Variants in TENM2 observed in about 807,000 individuals in gnomAD.
TENM2 encodes the protein teneurin transmembrane protein 2, also known as teneurin-2.
A neutral mutation model predicts 245.2 loss-of-function variants in TENM2; 52 were observed. The ratio of observed to expected loss-of-function variants is 0.21; its 90% CI spans 0.17 to 0.27. The LOEUF is 0.27. Ranked by LOEUF, TENM2 falls within the 10% of genes least tolerant of loss-of-function variation. TENM2 has a pLI of 1.00. For missense variants in TENM2, 3,046 were observed against 3,666.8 expected (o/e 0.83, Z 4.37); for synonymous variants, 1,363 against 1,438.9 (o/e 0.95, Z 1.19).
intron 4 of TENM2, among the ~76,000 whole-genome samples, chr5:167,975,971 C>A (rs1701390755): frequency 6.6e-6 from 1 of 152,134 alleles, no homozygotes; most frequent in South Asian, 2.1e-4. Flanking sequence ...CCTCTGCCAG[C>A]CCCTACATTT....
At chr5:167,168,142 A>C in the TENM2 span, 1 of 152,112 alleles carries the variant, frequency 6.6e-6, no homozygotes, top group Non-Finnish European at 1.5e-5. Flanking sequence ...TCTTACATCA[A>C]CTTCAAGTTA....
rs544490223 is a variant in TENM2 at position 167,937,418 on chromosome 5, A to C, written c.713-15170A>C. Reference sequence around the variant, plus strand: ...ACTTGGGATTATTAGGGTGTGTGGTAAGTGTAACATCACGGGAAACTGGCA... The same window carrying C: ...ACTTGGGATTATTAGGGTGTGTGGTCAGTGTAACATCACGGGAAACTGGCA... On this transcript the variant is annotated intron_variant, in intron 3 of 28. Transcript: ENST00000518659. Among the ~76,000 whole-genome samples, 8 of 152,292 alleles carry C rather than the reference A, an allele frequency of 5.3e-5. 1 individual carries two copies. The highest frequency in any genetic ancestry group is 1.7e-4 in the African/African-American group (7 of 41,566).
At chr5:168,168,747 G>C (rs575105635) in intron 13 of TENM2, among the ~76,000 whole-genome samples, 12 of 151,544 alleles carry the variant, frequency 7.9e-5, no homozygotes, top group Non-Finnish European at 1.8e-4. Flanking sequence ...AATGACTTCA[G>C]TATGATTTAG....
At position 167,960,044 on chromosome 5, in the gene TENM2, G is replaced by A. The variant is rs550729189; in HGVS notation, c.947+7222G>A. ...GCGGAGGCTGCAGACAGCAAAGACT[G>A]CTGCCTGTTCCTTCCTCTGGAAGCT... On this transcript the variant is annotated intron_variant, in intron 4 of 28. Transcript: ENST00000518659. Among the ~76,000 whole-genome samples the A allele has an allele frequency of 2.0e-5, 3 of 152,346 alleles. No individual in the cohort carries two copies. The East Asian group carries it at 5.8e-4, about 29-fold the overall frequency.
chr5:167,532,826 G>GTGTA (rs1554170577), intron 2 of TENM2, among the ~76,000 whole-genome samples: 1,983 of 144,532 alleles, frequency 0.014, 48 homozygotes, highest in South Asian at 0.072. Flanking sequence ...GTGTGTGTGT[G>GTGTA]TATATATATA....
intron 2 of TENM2, among the ~76,000 whole-genome samples, chr5:167,412,529 ACT>A (rs1234231983): frequency 6.6e-6 from 1 of 152,104 alleles, no homozygotes; most frequent in African/African-American, 2.4e-5. Flanking sequence ...TTTGTGTGCA[ACT>A]TTTTTTGCCG....
chr5:167,637,123 A>G (rs1779252802), intron 2 of TENM2, among the ~76,000 whole-genome samples: 1 of 152,236 alleles, frequency 6.6e-6, no homozygotes, highest in Non-Finnish European at 1.5e-5. Flanking sequence ...AAATGAACTG[A>G]TAATATGCAA....
At chr5:168,169,409 T>C (rs931762693) in intron 13 of TENM2, among the ~76,000 whole-genome samples, 2 of 152,204 alleles carry the variant, frequency 1.3e-5, no homozygotes, top group Non-Finnish European at 1.5e-5. Flanking sequence ...TTAAGAGACG[T>C]GGATCCTGGC....
chr5:167,733,493 A>G (rs1163559590), intron 2 of TENM2, among the ~76,000 whole-genome samples: 1 of 152,134 alleles, frequency 6.6e-6, no homozygotes, highest in Non-Finnish European at 1.5e-5. Flanking sequence ...GCATACTACT[A>G]CCTCTATTCC....
chr5:167,983,715 T>G (rs1783020872), intron 4 of TENM2, among the ~76,000 whole-genome samples: 1 of 152,212 alleles, frequency 6.6e-6, no homozygotes. Context: ...TAAGTCCTAT[T>G]TTAAAGGAAA....
At chr5:167,268,560 G>A in the TENM2 span, among the ~76,000 whole-genome samples, 1 of 152,178 alleles carries the variant, frequency 6.6e-6, no homozygotes, top group Non-Finnish European at 1.5e-5. Context: ...TGTTTGATGT[G>A]AAGCTATTTG....
chr5:167,740,695 G>A (rs952790116), intron 2 of TENM2, among the ~76,000 whole-genome samples: 1 of 152,156 alleles, frequency 6.6e-6, no homozygotes, highest in Non-Finnish European at 1.5e-5. Flanking sequence ...CTGGGCCTAG[G>A]GACCCGTGAG....
At position 167,875,729 on chromosome 5, in the gene TENM2, T is replaced by C. The variant is rs1773364060; in HGVS notation, c.503-257T>C. Among the ~76,000 whole-genome samples the C allele has an allele frequency of 2.0e-5, 3 of 152,144 alleles. No individual in the cohort carries two copies. In the South Asian group the frequency reaches 6.2e-4, roughly 32 times the overall value. On this transcript the variant is annotated intron_variant, in intron 2 of 28. Coordinates refer to ENST00000518659, the Ensembl canonical transcript of TENM2. ...GAGGTAAAAGAAACTGGATGGTTGC[T>C]AGACTGATTCCATTTGAGCTGTGTA... is the stretch of plus-strand genomic sequence containing the variant.
At chr5:168,164,828 A>T (rs2152456337) in intron 13 of TENM2, among the ~76,000 whole-genome samples, 2 of 152,274 alleles carry the variant, frequency 1.3e-5, no homozygotes, top group Middle Eastern at 6.8e-3. Context: ...CAATCATTTG[A>T]TTTAACAAAA....
downstream of TENM2, chr5:168,263,677 G>A (rs1024157894): frequency 1.3e-5 from 2 of 152,622 alleles, no homozygotes; most frequent in African/African-American, 4.8e-5. Context: ...TGTCTTTGGA[G>A]ATTCCATTGT....
chr5:167,491,038 A>C (rs1285583820), intron 2 of TENM2, among the ~76,000 whole-genome samples: 1 of 152,192 alleles, frequency 6.6e-6, no homozygotes, highest in Non-Finnish European at 1.5e-5. Context: ...TCACAGTGAC[A>C]CAAGGAATAA....
At chr5:167,470,088 T>G (rs544595737) in intron 2 of TENM2, among the ~76,000 whole-genome samples, 2 of 152,184 alleles carry the variant, frequency 1.3e-5, no homozygotes, top group African/African-American at 4.8e-5. Context: ...AAATAGTTTA[T>G]TGGAAAAAGA....
chr5:166,985,725 G>T, the TENM2 span, among the ~76,000 whole-genome samples: 1 of 152,036 alleles, frequency 6.6e-6, no homozygotes, highest in Admixed American at 6.6e-5. Flanking sequence ...GATGAGTGTG[G>T]AAAACGGTCA....
At chr5:167,688,454 A>G (rs1303045789) in intron 2 of TENM2, among the ~76,000 whole-genome samples, 1 of 152,128 alleles carries the variant, frequency 6.6e-6, no homozygotes, top group Non-Finnish European at 1.5e-5. Context: ...TTAATTGAGA[A>G]TTTCCGTCAT....
Sources: gnomAD v4.1 joint callset for allele counts (sites outside exome capture counted in the v4.1 genomes callset) on GRCh38, gnomAD v4.1.1 for gene constraint, MANE v1.5 for transcripts, NCBI Gene and HGNC (gene_info 2026-07-23, HGNC 2026-07-21) for gene names.